Variants in AKAP13 observed in about 807,000 individuals in gnomAD.
AKAP13 encodes A-kinase anchor protein 13.
A neutral mutation model predicts 264.5 loss-of-function variants in AKAP13; 80 were observed. The ratio of observed to expected loss-of-function variants is 0.30; its 90% confidence interval spans 0.25 to 0.36. AKAP13 has a LOEUF of 0.36. Ranked by LOEUF, AKAP13 falls within the 10% of genes least tolerant of loss-of-function variation. The pLI is 1.00. For missense variants in AKAP13, 3,712 were observed against 3,435.2 expected (o/e 1.08, Z -2.01); for synonymous variants, 1,380 against 1,250.2 (o/e 1.10, Z -2.19).
At chr15:85,642,701 G>A (rs1482114164) in intron 9 of AKAP13, among the ~76,000 whole-genome samples, 1 of 152,150 alleles carries the variant, frequency 6.6e-6, no homozygotes, top group Non-Finnish European at 1.5e-5. Flanking sequence ...TATCCCTTGT[G>A]GTGCTGGCTT....
chr15:85,598,431 T>C (rs1017634398), intron 8 of AKAP13, among the ~76,000 whole-genome samples: 3 of 152,188 alleles, frequency 2.0e-5, no homozygotes, highest in Non-Finnish European at 4.4e-5. Flanking sequence ...CAGACTGACT[T>C]GTCAGCGGGA....
intron 1 of AKAP13, among the ~76,000 whole-genome samples, chr15:85,482,008 T>C (rs1282401417): frequency 1.3e-5 from 2 of 152,264 alleles, no homozygotes. Flanking sequence ...TCAGTAGGTT[T>C]AGTTTTTAAG....
At chr15:85,571,723 AC>A (rs1436408324) in intron 5 of AKAP13, among the ~76,000 whole-genome samples, 1 of 152,192 alleles carries the variant, frequency 6.6e-6, no homozygotes, top group Non-Finnish European at 1.5e-5. Context: ...GGTTTGCTTC[AC>A]CAGTACCTTA....
intron 35 of AKAP13, among the ~76,000 whole-genome samples, chr15:85,742,808 G>T (rs1234620265): frequency 6.6e-6 from 1 of 152,112 alleles, no homozygotes; most frequent in Non-Finnish European, 1.5e-5. Context: ...CTTGGACCAC[G>T]AAAGAAAATT....
At chr15:85,624,131 A>T (rs2081306983) in intron 8 of AKAP13, among the ~76,000 whole-genome samples, 1 of 152,248 alleles carries the variant, frequency 6.6e-6, no homozygotes, top group South Asian at 2.1e-4. Flanking sequence ...CACTGCTTTT[A>T]GCCTGGGCCA....
intron 1 of AKAP13, among the ~76,000 whole-genome samples, chr15:85,398,012 A>T (rs2071202887): frequency 6.6e-6 from 1 of 152,218 alleles, no homozygotes; most frequent in African/African-American, 2.4e-5. Context: ...GAGGAGACAG[A>T]GGCCCAGAGA....
Position 85,730,541 on chromosome 15 carries a change from CCTA to C in AKAP13, c.7119_7121del (p.Leu2376del), listed in dbSNP as rs1226593691. 1 of 1,614,064 alleles carries C rather than the reference CCTA, an allele frequency of 6.2e-7. No homozygotes were observed. Among genetic ancestry groups the C allele is most frequent in the Non-Finnish European group, 8.5e-7 (1 of 1,179,990 alleles). On this transcript the variant is annotated inframe_deletion, in exon 30 of 37. Transcript: ENST00000394518. The stretch of plus-strand genomic sequence containing the variant: ...AACTTCACCAGAAGGACCAAAAAAT[CCTA>C]CTCTTGTTGGAAGAGAAGGAGATGA...
chr15:85,634,773 C>T (rs1236225933), intron 8 of AKAP13, among the ~76,000 whole-genome samples: 2 of 151,738 alleles, frequency 1.3e-5, no homozygotes, highest in African/African-American at 4.8e-5. Flanking sequence ...TTTCTTGCTA[C>T]TGTAGGCTTG....
intron 10 of AKAP13, among the ~76,000 whole-genome samples, chr15:85,646,686 A>G (rs1400544357): frequency 6.6e-6 from 1 of 152,170 alleles, no homozygotes; most frequent in East Asian, 1.9e-4. Context: ...CTTCCTGCTG[A>G]GTGTGGTCAT....
At position 85,727,537 on chromosome 15, in the gene AKAP13, G is replaced by A. The variant is rs2087689256; in HGVS notation, c.7087+74G>A. ...TGCAGAAGACTGCTGGTGGATTTTA[G>A]AGGTACGGGTTTGCCCTCAGTTCTA... is the stretch of plus-strand genomic sequence containing the variant. On this transcript the variant is annotated intron_variant, in intron 29 of 36. Transcript: ENST00000394518. The surrounding 1 kb of genome is among the most constrained non-coding windows in gnomAD (Gnocchi z 5.3). 1.9e-6 allele frequency: 3 copies of A among 1,552,246 alleles called. No individual in the cohort carries two copies. The highest frequency in any genetic ancestry group is 2.7e-6 in the Non-Finnish European group (3 of 1,129,864).
In AKAP13 at chr15:85,727,370, G is replaced by C; in HGVS notation, c.7005-11G>C. 1 of 1,614,146 alleles carries C rather than the reference G, an allele frequency of 6.2e-7. No individual in the cohort carries two copies. The highest frequency in any genetic ancestry group is 8.5e-7 in the Non-Finnish European group (1 of 1,180,004). On this transcript the variant is annotated splice_polypyrimidine_tract_variant and intron_variant, in intron 28 of 36. Coordinates refer to ENST00000394518, the MANE Select transcript of AKAP13 (RefSeq NM_007200.5). This position sits in a 1 kb window ranked among gnomAD's most constrained non-coding sequence, Gnocchi z 5.3. ...GGAATTTTTTGTTCTGTCTTGTTTG[G>C]GTTGTATTAGGAACAGAGATGAAGA...
chr15:85,595,186 A>T (rs748594057), intron 8 of AKAP13, among the ~76,000 whole-genome samples: 8 of 152,070 alleles, frequency 5.3e-5, no homozygotes, highest in Non-Finnish European at 1.2e-4. Flanking sequence ...TGCAGCCTCA[A>T]CTTCCTGGGC....
chr15:85,458,586 GAC>G (rs1385031595), intron 1 of AKAP13, among the ~76,000 whole-genome samples: 3 of 151,642 alleles, frequency 2.0e-5, no homozygotes, highest in Non-Finnish European at 4.4e-5. Context: ...AATCCTTGTA[GAC>G]ACAGTTATTT....
At chr15:85,728,167 A>G (rs114628010) in intron 29 of AKAP13, among the ~76,000 whole-genome samples, 112 of 152,344 alleles carry the variant, frequency 7.4e-4, no homozygotes, top group African/African-American at 2.6e-3. Flanking sequence ...CCAGAATTCT[A>G]TTCCCTGTCT....
At chr15:85,544,116 T>A in intron 5 of AKAP13, 161 bp downstream of exon 5, 1 of 826,206 alleles carries the variant, frequency 1.2e-6, no homozygotes, top group Non-Finnish European at 2.0e-6. Flanking sequence ...TTGCTCCTGC[T>A]AACCACTTCA....
At chr15:85,590,424 T>C (rs1220406239) in intron 8 of AKAP13, among the ~76,000 whole-genome samples, 1 of 152,234 alleles carries the variant, frequency 6.6e-6, no homozygotes, top group East Asian at 1.9e-4. Context: ...CTATCTGTCA[T>C]ACAAACTGAG....
rs76429702 is a variant in AKAP13 at position 85,420,869 on chromosome 15, A to C, written c.-12+40071A>C. Among the ~76,000 whole-genome samples, 62 of 152,298 alleles carry C rather than the reference A, an allele frequency of 4.1e-4. No individual in the cohort carries two copies. In the East Asian group the frequency reaches 0.011, roughly 27 times the overall value. ...CAGGCTGAAGTAGGAGGATTGCTTA[A>C]GTCCAGGAGTTTGAGGCCAGACTGG... On this transcript the variant is annotated intron_variant, in intron 1 of 36. Coordinates refer to ENST00000394518, the MANE Select transcript of AKAP13 (RefSeq NM_007200.5).
Position 85,736,080 on chromosome 15 carries a change from T to C in AKAP13, c.7513-10T>C. The C allele has an allele frequency of 1.3e-6, 2 of 1,593,414 alleles. No individual in the cohort carries two copies. Among genetic ancestry groups the C allele is most frequent in the African/African-American group, 1.3e-5 (1 of 74,618 alleles). On this transcript the variant is annotated splice_polypyrimidine_tract_variant and intron_variant, in intron 32 of 36. Transcript: ENST00000394518. The stretch of plus-strand genomic sequence containing the variant: ...TTCATTTTTTTATATGTATGTTTTT[T>C]GTTTTATAGGGTGGAAATGCTAACC...
intron 2 of AKAP13, among the ~76,000 whole-genome samples, chr15:85,489,080 T>C (rs574184077): frequency 2.6e-5 from 4 of 152,362 alleles, no homozygotes; most frequent in African/African-American, 9.6e-5. Context: ...AATATATGCT[T>C]CAACCTCTCC....
Sources: gnomAD v4.1 joint callset for allele counts (sites outside exome capture counted in the v4.1 genomes callset) on GRCh38, gnomAD v4.1.1 for gene constraint, Gnocchi (gnomAD v3.1) non-coding constraint, MANE v1.5 for transcripts, NCBI Gene and HGNC (gene_info 2026-07-23, HGNC 2026-07-21) for gene names.